Variants in GAD2 observed in about 807,000 individuals in gnomAD.
The protein encoded by GAD2 is glutamate decarboxylase 2.
GAD2 carries 22 observed loss-of-function variants against 80.1 expected under a neutral mutation model. The ratio of observed to expected loss-of-function variants is 0.27; its 90% CI spans 0.20 to 0.39. GAD2 has a LOEUF of 0.39. Among genes scored for constraint, GAD2 ranks in the 10% least tolerant of loss-of-function variants. The pLI, the probability that GAD2 is intolerant of heterozygous loss-of-function variation, is 1.00. For missense variants in GAD2, 624 were observed against 738.4 expected, an observed-to-expected ratio of 0.85 and a Z score of 1.80; for synonymous variants, 274 against 256.9, an observed-to-expected ratio of 1.07 and a Z score of -0.64.
intron 15 of GAD2, among the ~76,000 whole-genome samples, chr10:26,298,618 G>A (rs1834299047): frequency 1.3e-5 from 2 of 152,176 alleles, no homozygotes; most frequent in Non-Finnish European, 2.9e-5. Flanking sequence ...GATTACCCAT[G>A]AAAACTAAAT....
chr10:26,295,205 A>C (rs1345735418), intron 15 of GAD2, among the ~76,000 whole-genome samples: 2 of 152,160 alleles, frequency 1.3e-5, no homozygotes, highest in African/African-American at 4.8e-5. Context: ...ATGGGGATGG[A>C]GATTATTTCC....
At chr10:26,234,562 G>A (rs1173314682) in intron 7 of GAD2, among the ~76,000 whole-genome samples, 1 of 152,168 alleles carries the variant, frequency 6.6e-6, no homozygotes, top group Non-Finnish European at 1.5e-5. Flanking sequence ...TCTAAGGATA[G>A]GCTCTGGAAT....
At chr10:26,284,743 G>T (rs1221960743) in intron 12 of GAD2, among the ~76,000 whole-genome samples, 1 of 151,772 alleles carries the variant, frequency 6.6e-6, no homozygotes. Context: ...CTAATTTTTT[G>T]TATTTTTAGT....
chr10:26,260,108 G>T (rs745831190), intron 8 of GAD2, among the ~76,000 whole-genome samples: 13 of 152,068 alleles, frequency 8.5e-5, no homozygotes, highest in Non-Finnish European at 1.9e-4. Flanking sequence ...AGTATTTACT[G>T]ATTAGAAATT....
At position 26,273,688 on chromosome 10, in the gene GAD2, G is replaced by T. The variant is rs189305962; in HGVS notation, c.1145G>T (p.Ser382Ile). ...LMSRKHKWKL[S>I]GVERANSVTW... is the part of the protein sequence containing the mutation. ...TCCCGAAAACACAAGTGGAAACTGA[G>T]TGGCGTGGAGAGGTATGTTGCATTT... is the stretch of plus-strand genomic sequence containing the variant. Residue 382 changes from serine to isoleucine, a missense_variant, in exon 11 of 16, where the codon AGT becomes ATT. Ser to Ile is a moderately radical substitution (Grantham distance 142, BLOSUM62 -2). Coordinates refer to ENST00000376261, the MANE Select transcript of GAD2 (RefSeq NM_001134366.2). The T allele has an allele frequency of 9.3e-6, 15 of 1,613,724 alleles. No homozygotes were observed. In the East Asian group the frequency reaches 3.3e-4, roughly 36 times the overall value.
At chr10:26,291,434 A>C (rs933262980) in intron 13 of GAD2, among the ~76,000 whole-genome samples, 5 of 152,212 alleles carry the variant, frequency 3.3e-5, no homozygotes, top group African/African-American at 7.2e-5. Flanking sequence ...TCTCCAAAGA[A>C]GTGAATTTCT....
intron 8 of GAD2, 151 bp downstream of exon 8, chr10:26,246,151 C>T (rs1220739401): frequency 8.0e-6 from 5 of 624,492 alleles, no homozygotes; most frequent in Non-Finnish European, 1.4e-5. Context: ...AACATGGGCT[C>T]CTGCTTCTGT....
At chr10:26,219,005 G>A (rs2132268849) in intron 3 of GAD2, 38 bp from the exon 4 acceptor site, 5 of 1,443,264 alleles carry the variant, frequency 3.5e-6, no homozygotes, top group Non-Finnish European at 4.7e-6. Flanking sequence ...TATTTTCAAA[G>A]TAAAATTAAA....
chr10:26,222,661 TAC>T (rs1162519298), intron 4 of GAD2, among the ~76,000 whole-genome samples: 1 of 152,200 alleles, frequency 6.6e-6, no homozygotes, highest in East Asian at 1.9e-4. Context: ...GTACAATAGA[TAC>T]ACAAGTCCTG....
chr10:26,239,825 G>A (rs1013398549), intron 7 of GAD2, among the ~76,000 whole-genome samples: 1 of 152,128 alleles, frequency 6.6e-6, no homozygotes, highest in African/African-American at 2.4e-5. Context: ...GACTCAGAAG[G>A]GAGAACAAGT....
chr10:26,258,747 G>C (rs1330942829), intron 8 of GAD2, among the ~76,000 whole-genome samples: 2 of 151,622 alleles, frequency 1.3e-5, no homozygotes, highest in African/African-American at 2.4e-5. Flanking sequence ...TCCATCGTAT[G>C]TGTAGATCAC....
chr10:26,247,895 CAAAAAAA>C (rs11407523), intron 8 of GAD2, among the ~76,000 whole-genome samples: 1 of 46,308 alleles, frequency 2.2e-5, no homozygotes, highest in African/African-American at 7.0e-5. Flanking sequence ...GACTCCATCT[CAAAAAAA>C]AAAAAAAAAA....
chr10:26,277,666 G>A (rs1845226031), intron 11 of GAD2, among the ~76,000 whole-genome samples: 1 of 152,156 alleles, frequency 6.6e-6, no homozygotes, highest in Admixed American at 6.5e-5. Context: ...GTAAGTGGAT[G>A]GACCTAGGAG....
At chr10:26,253,948 G>C (rs1844912788) in intron 8 of GAD2, among the ~76,000 whole-genome samples, 2 of 152,042 alleles carry the variant, frequency 1.3e-5, no homozygotes. Context: ...GAGGGGCGGG[G>C]GTGGCAGATG....
At chr10:26,253,791 G>C (rs946556170) in intron 8 of GAD2, among the ~76,000 whole-genome samples, 2 of 152,154 alleles carry the variant, frequency 1.3e-5, no homozygotes, top group African/African-American at 4.8e-5. Context: ...CTGCAACTAG[G>C]GGAAGGATTA....
chr10:26,236,082 G>A (rs991340688), intron 7 of GAD2, among the ~76,000 whole-genome samples: 2 of 152,032 alleles, frequency 1.3e-5, no homozygotes, highest in African/African-American at 4.8e-5. Flanking sequence ...CCACTTCTGT[G>A]GGGAGGTAAT....
chr10:26,274,172 A>C (rs539196309), intron 11 of GAD2, among the ~76,000 whole-genome samples: 1 of 152,256 alleles, frequency 6.6e-6, no homozygotes, highest in African/African-American at 2.4e-5. Flanking sequence ...TTTGGGGTCT[A>C]AGATGGCCAG....
In GAD2 at chr10:26,303,043, C is replaced by T. The variant is rs1287864918; in HGVS notation, c.*2082C>T. 6.6e-6 allele frequency: 1 copy of T among 152,206 alleles called. No homozygotes were observed. The highest frequency in any genetic ancestry group is 1.5e-5 in the Non-Finnish European group (1 of 68,052). The allele number at this position is 152,206 out of a possible 1,614,324, so 9.4% of individuals were successfully genotyped here. Reference sequence around the variant, plus strand: ...TCAGAGACAGAGATGCTAATTGATCCAACCTGCTGTCCTTCGTGGAGAAGA... The same window carrying T: ...TCAGAGACAGAGATGCTAATTGATCTAACCTGCTGTCCTTCGTGGAGAAGA... On this transcript the variant is annotated 3_prime_UTR_variant, in exon 16 of 16. Coordinates refer to ENST00000376261, the MANE Select transcript of GAD2 (RefSeq NM_001134366.2).
At chr10:26,278,499 G>T (rs1299148183) in intron 11 of GAD2, among the ~76,000 whole-genome samples, 1 of 152,184 alleles carries the variant, frequency 6.6e-6, no homozygotes, top group African/African-American at 2.4e-5. Flanking sequence ...AAGTCACACA[G>T]CCAGGAAGTG....
Sources: allele counts gnomAD v4.1 joint callset (sites outside exome capture counted in the v4.1 genomes callset), GRCh38; gene constraint gnomAD v4.1.1; transcripts MANE v1.5; gene names NCBI Gene and HGNC (gene_info 2026-07-23, HGNC 2026-07-21).